The following GFI1 variants were observed in gnomAD, a reference collection of about 807,000 sequenced individuals.
GFI1 encodes zinc finger protein Gfi-1.
In GFI1, 15 loss-of-function variants were observed where a neutral mutation model predicts 39.2. That is an observed-to-expected ratio of 0.38 (90% CI 0.26 to 0.59). GFI1 has a LOEUF of 0.59. Ranked by LOEUF, GFI1 falls within the 20% of genes least tolerant of loss-of-function variation. The pLI is 0.62. For synonymous variants in GFI1, 239 were observed against 254.3 expected, an observed-to-expected ratio of 0.94 and a Z score of 0.57; for missense variants, 475 against 574.0, an observed-to-expected ratio of 0.83 and a Z score of 1.76.
Position 92,482,765 on chromosome 1 carries a change from T to A in GFI1, c.298+99A>T. 1.1e-6 allele frequency: 1 copy of A among 924,404 alleles called. No homozygotes were observed. The highest frequency in any genetic ancestry group is 2.5e-5 in the East Asian group (1 of 40,358). 57.3% of individuals were successfully genotyped at this position (924,404 alleles called of 1,614,324 possible). On this transcript the variant is annotated intron_variant, in intron 3 of 6. Transcript: ENST00000294702. The surrounding 1 kb of genome is among the most constrained non-coding windows in gnomAD (Gnocchi z 4.4). ...CCTTCTCCCGGAAAGACTCTCCAAC[T>A]CCCCGTTAGCATTTCTACGCCCAAG...
At position 92,475,043 on chromosome 1, in the gene GFI1, C is replaced by T. The variant is rs1657890799; in HGVS notation, c.*986G>A. On this transcript the variant is annotated 3_prime_UTR_variant, in exon 7 of 7. Transcript: ENST00000294702. ...TAACTGTTCAGCTTTTTGTTTACAC[C>T]TGATAAAATCCAAAAGGGTCAAAAG... 6.6e-6 allele frequency: 1 copy of T among 152,158 alleles called. No individual in the cohort carries two copies. Among genetic ancestry groups the T allele is most frequent in the East Asian group, 1.9e-4 (1 of 5,190 alleles). 9.4% of individuals were successfully genotyped at this position (152,158 alleles called of 1,614,324 possible).
At position 92,481,220 on chromosome 1, in the gene GFI1, G is replaced by A. The variant is rs575404710; in HGVS notation, c.299-132C>T. The A allele has an allele frequency of 5.8e-4, 483 of 832,082 alleles. No homozygotes were observed. The highest frequency in any genetic ancestry group is 3.6e-3 in the Middle Eastern group (11 of 3,076). 51.5% of individuals were successfully genotyped at this position (832,082 alleles called of 1,614,324 possible). A position where few individuals can be genotyped will look rare whatever the true frequency, so the allele number is the denominator to read the frequency against. ...CGCTTGTAGAACACTGCGTGCGCCA[G>A]GTGCCAGGCTCGCCCCAGGGTAAAA... is the stretch of plus-strand genomic sequence containing the variant. On this transcript the variant is annotated intron_variant, in intron 3 of 6. Coordinates refer to ENST00000294702, the MANE Select transcript of GFI1 (RefSeq NM_005263.5). The surrounding 1 kb of genome is among the most constrained non-coding windows in gnomAD (Gnocchi z 4.3).
rs996280859 is a variant in GFI1 at position 92,482,710 on chromosome 1, C to T, written c.298+154G>A. Reference sequence around the variant, plus strand: ...CAAGCTGTCCAAGTCCCAGAGAAGCCGGATGCCTCCTTCCCCTACGAATCA... The same window carrying T: ...CAAGCTGTCCAAGTCCCAGAGAAGCTGGATGCCTCCTTCCCCTACGAATCA... On this transcript the variant is annotated intron_variant, in intron 3 of 6. Transcript: ENST00000294702. This position sits in a 1 kb window ranked among gnomAD's most constrained non-coding sequence, Gnocchi z 4.4. Among the ~76,000 whole-genome samples the T allele has an allele frequency of 1.4e-4, 22 of 152,212 alleles. No individual in the cohort carries two copies. Among genetic ancestry groups the T allele is most frequent in the African/African-American group, 5.1e-4 (21 of 41,456 alleles).
At chr1:92,477,499 A>C (rs1478098160) in intron 6 of GFI1, among the ~76,000 whole-genome samples, 1 of 152,210 alleles carries the variant, frequency 6.6e-6, no homozygotes, top group African/African-American at 2.4e-5. Context: ...TCTGCAATAA[A>C]ATTTTCAGAA....
In GFI1 at chr1:92,482,369, C is replaced by T. The variant is rs1658299381; in HGVS notation, c.298+495G>A. On this transcript the variant is annotated intron_variant, in intron 3 of 6. Coordinates refer to ENST00000294702, the MANE Select transcript of GFI1 (RefSeq NM_005263.5). This position sits in a 1 kb window ranked among gnomAD's most constrained non-coding sequence, Gnocchi z 4.4. The stretch of plus-strand genomic sequence containing the variant: ...TAACCCGGCAAAACGAAAAATGAAA[C>T]AGGCCCCCAATCTGCGCCTGTGAAG... 6.6e-6 allele frequency among the ~76,000 whole-genome samples: 1 copy of T among 152,172 alleles called. No individual in the cohort carries two copies. Among genetic ancestry groups the T allele is most frequent in the African/African-American group, 2.4e-5 (1 of 41,518 alleles).
chr1:92,474,119 G>A lies in GFI1; in HGVS notation c.*1910C>T, dbSNP rs1657847618. Among the ~76,000 whole-genome samples the A allele has an allele frequency of 1.3e-5, 2 of 152,160 alleles. No individual in the cohort carries two copies. The highest frequency in any genetic ancestry group is 2.1e-4 in the South Asian group (1 of 4,830). On this transcript the variant is annotated 3_prime_UTR_variant, in exon 7 of 7. Transcript: ENST00000294702. ...TCATTCTCTTAAAGGATTGACTTAT[G>A]CAAAAAACTCCCACAGGTGGGACAG...
rs144847362 is a variant in GFI1 at position 92,475,816 on chromosome 1, C to T, written c.*213G>A. On this transcript the variant is annotated 3_prime_UTR_variant, in exon 7 of 7. Transcript: ENST00000294702. ...GAAGCCTAGAGAGTCACTTGGTTCT[C>T]ACTCTCGGCTGCACTTTGAAAAGGT... is the stretch of plus-strand genomic sequence containing the variant. 8.4e-6 allele frequency: 5 copies of T among 594,366 alleles called. No homozygotes were observed. The highest frequency in any genetic ancestry group is 9.0e-6 in the Non-Finnish European group (3 of 331,670). 36.8% of individuals were successfully genotyped at this position (594,366 alleles called of 1,614,324 possible).
chr1:92,480,428 T>G lies in GFI1; in HGVS notation c.844A>C (p.Arg282=), dbSNP rs1379936046. 3 of 1,550,394 alleles carry G rather than the reference T, an allele frequency of 1.9e-6. No individual in the cohort carries two copies. In the East Asian group the frequency reaches 7.3e-5, roughly 38 times the overall value. The change falls in exon 5 of 7, where the codon AGA becomes CGA. Residue 282 remains arginine, a synonymous_variant. Coordinates refer to ENST00000294702, the MANE Select transcript of GFI1 (RefSeq NM_005263.5). The surrounding 1 kb of genome is among the most constrained non-coding windows in gnomAD (Gnocchi z 5.6). The part of the protein sequence containing the change: ...VHVRRSHSGT[R]PFACEMCGKT... ...CCGCACATCTCGCAGGCAAAGGGTC[T>G]GGTACCGCTGTGGGACCTGCGCACG... is the stretch of plus-strand genomic sequence containing the variant.
chr1:92,480,641 A>G lies in GFI1; in HGVS notation c.746T>C (p.Leu249Pro). The G allele has an allele frequency of 6.3e-7, 1 of 1,588,162 alleles. No individual in the cohort carries two copies. The highest frequency in any genetic ancestry group is 8.5e-7 in the Non-Finnish European group (1 of 1,173,600). ...VESELLCTRL[L>P]LGGGSYKCIK... is the part of the protein sequence containing the mutation. ...GCACTTGTAGGAGCCGCCGCCCAGC[A>G]GCAGGCGGGTGCACAGCAGCTCCGA... The change falls in exon 4 of 7, where the codon CTG (leucine) becomes CCG (proline). Residue 249 changes from leucine (L) to proline (P), a missense_variant. This residue lies in a region of GFI1 where 79 missense variants were observed against 68.4 expected (regional missense o/e 1.15). Transcript: ENST00000294702. This position sits in a 1 kb window ranked among gnomAD's most constrained non-coding sequence, Gnocchi z 5.6.
At position 92,481,952 on chromosome 1, in the gene GFI1, T is replaced by TGTGCGCGCGC. The variant is rs200635146; in HGVS notation, c.299-865_299-864insGCGCGCGCAC. 0.087 allele frequency among the ~76,000 whole-genome samples: 12,945 copies of TGTGCGCGCGC among 148,790 alleles called. 671 individuals are homozygous for TGTGCGCGCGC. The highest frequency in any genetic ancestry group is 0.15 in the Middle Eastern group (45 of 292). On this transcript the variant is annotated intron_variant, in intron 3 of 6. Coordinates refer to ENST00000294702, the MANE Select transcript of GFI1 (RefSeq NM_005263.5). The surrounding 1 kb of genome is among the most constrained non-coding windows in gnomAD (Gnocchi z 4.3). ...ATTTACAAATGTGTGTGTGTGTGTG[T>TGTGCGCGCGC]GCGCACAACACTCCAGTTCAGGCTG... is the stretch of plus-strand genomic sequence containing the variant.
intron 6 of GFI1, 78 bp from the exon 7 acceptor site, chr1:92,476,285 TC>T: frequency 7.3e-7 from 1 of 1,364,478 alleles, no homozygotes; most frequent in African/African-American, 1.4e-5. Context: ...ACCCACATGC[TC>T]TTGGCAGCAG....
chr1:92,480,300 A>C lies in GFI1; in HGVS notation c.924+48T>G. ...GGCTGGTGCTGCACCGAGGAGATGC[A>C]GAAGATCCCCGAGCAGGGCCGCGCG... On this transcript the variant is annotated intron_variant, in intron 5 of 6. Transcript: ENST00000294702. The surrounding 1 kb of genome is among the most constrained non-coding windows in gnomAD (Gnocchi z 5.6). 1 of 1,534,692 alleles carries C rather than the reference A, an allele frequency of 6.5e-7. No homozygotes were observed. Among genetic ancestry groups the C allele is most frequent in the Non-Finnish European group, 8.8e-7 (1 of 1,141,628 alleles).
In GFI1 at chr1:92,475,991, AGT is replaced by A. The variant is rs1270086720; in HGVS notation, c.*36_*37del. The A allele has an allele frequency of 6.9e-6, 11 of 1,593,742 alleles. No homozygotes were observed. Among genetic ancestry groups the A allele is most frequent in the Non-Finnish European group, 9.5e-6 (11 of 1,163,690 alleles). ...GGCAAGCAGGGAGGCTGCCCTCTGTAGTGTTGTGTAGCTGCTGCTTGCAGCCA... is the reference window on the plus strand; with the variant it reads ...GGCAAGCAGGGAGGCTGCCCTCTGTAGTTGTGTAGCTGCTGCTTGCAGCCA... On this transcript the variant is annotated 3_prime_UTR_variant, in exon 7 of 7. Coordinates refer to ENST00000294702, the MANE Select transcript of GFI1 (RefSeq NM_005263.5).
In GFI1 at chr1:92,482,640, A is replaced by C. The variant is rs1450790280; in HGVS notation, c.298+224T>G. Among the ~76,000 whole-genome samples, 3 of 152,210 alleles carry C rather than the reference A, an allele frequency of 2.0e-5. No homozygotes were observed. Among genetic ancestry groups the C allele is most frequent in the African/African-American group, 4.8e-5 (2 of 41,464 alleles). On this transcript the variant is annotated intron_variant, in intron 3 of 6. Transcript: ENST00000294702. This position sits in a 1 kb window ranked among gnomAD's most constrained non-coding sequence, Gnocchi z 4.4. ...GCGCAAACGAATCTAAGCGACAAGC[A>C]GCTAGGGTCCTGCCGCCTGGGATGG...
chr1:92,485,945 A>C (rs749030767), intron 1 of GFI1: 2 of 152,232 alleles, frequency 1.3e-5, no homozygotes, highest in Non-Finnish European at 1.5e-5. Flanking sequence ...CCGCAGTGCC[A>C]GTGCTCTGCG....
Position 92,475,825 on chromosome 1 carries a change from C to T in GFI1, c.*204G>A, listed in dbSNP as rs1657934949. 8.2e-6 allele frequency: 5 copies of T among 608,818 alleles called. No homozygotes were observed. The South Asian group carries it at 9.5e-5, about 12-fold the overall frequency. The allele number at this position is 608,818 out of a possible 1,614,324, so 37.7% of individuals were successfully genotyped here. On this transcript the variant is annotated 3_prime_UTR_variant, in exon 7 of 7. Coordinates refer to ENST00000294702, the MANE Select transcript of GFI1 (RefSeq NM_005263.5). ...AGAGTCACTTGGTTCTCACTCTCGG[C>T]TGCACTTTGAAAAGGTACCTCATTT...
At chr1:92,476,925 T>A (rs1658008160) in intron 6 of GFI1, among the ~76,000 whole-genome samples, 1 of 152,212 alleles carries the variant, frequency 6.6e-6, no homozygotes, top group South Asian at 2.1e-4. Context: ...ATCACATGAT[T>A]CTTTATATAC....
In GFI1 at chr1:92,478,757, C is replaced by CAGGGAG; in HGVS notation, c.925-5_925-4insCTCCCT. 6.6e-7 allele frequency: 1 copy of CAGGGAG among 1,519,168 alleles called. No individual in the cohort carries two copies. The highest frequency in any genetic ancestry group is 8.9e-7 in the Non-Finnish European group (1 of 1,125,992). The allele number at this position is 1,519,168 out of a possible 1,614,324, so 94.1% of individuals were successfully genotyped here. A position where few individuals can be genotyped will look rare whatever the true frequency, so the allele number is the denominator to read the frequency against. On this transcript the variant is annotated splice_polypyrimidine_tract_variant and splice_region_variant and intron_variant, in intron 5 of 6. Coordinates refer to ENST00000294702, the MANE Select transcript of GFI1 (RefSeq NM_005263.5). ...TCTTACAGTCAAAGCTCCGTTCCTG[C>CAGGGAG]AGAGAGAGAGAGAGAGAGAGAGAGA...
rs1658238974 is a variant in GFI1 at position 92,481,283 on chromosome 1, G to A, written c.299-195C>T. On this transcript the variant is annotated intron_variant, in intron 3 of 6. Transcript: ENST00000294702. The surrounding 1 kb of genome is among the most constrained non-coding windows in gnomAD (Gnocchi z 4.3). Reference sequence around the variant, plus strand: ...CCTGGGGCCTCGCAGGCCACTATAGGAGGCAGAACAGTAAACAGATCATTG... The same window carrying A: ...CCTGGGGCCTCGCAGGCCACTATAGAAGGCAGAACAGTAAACAGATCATTG... Among the ~76,000 whole-genome samples the A allele has an allele frequency of 6.6e-6, 1 of 152,246 alleles. No homozygotes were observed. The highest frequency in any genetic ancestry group is 2.1e-4 in the South Asian group (1 of 4,838).
Sources: allele counts gnomAD v4.1 joint callset (sites outside exome capture counted in the v4.1 genomes callset), GRCh38; gene constraint gnomAD v4.1.1; regional missense constraint gnomAD v4.1.1; non-coding constraint Gnocchi (gnomAD v3.1); transcripts MANE v1.5; gene names NCBI Gene and HGNC (gene_info 2026-07-23, HGNC 2026-07-21).